Variants in SPOCK3 observed in about 807,000 individuals in gnomAD.
The protein encoded by SPOCK3 is testican-3.
Under a neutral mutation model 56.6 loss-of-function variants are expected in SPOCK3, and 30 were observed. That is an observed-to-expected ratio of 0.53 (90% CI 0.40 to 0.72). SPOCK3 has a LOEUF of 0.72. Ranked by LOEUF, SPOCK3 falls within the 30% of genes least tolerant of loss-of-function variation. The probability of loss-of-function intolerance (pLI) is 0.00; values close to 1 mark genes in which losing one functional copy is unlikely to be tolerated. For missense variants in SPOCK3, 527 were observed against 530.0 expected, an observed-to-expected ratio of 0.99 and a Z score of 0.06; for synonymous variants, 196 against 183.3, an observed-to-expected ratio of 1.07 and a Z score of -0.56.
At chr4:166,950,792 C>T (rs1002441103) in intron 4 of SPOCK3, among the ~76,000 whole-genome samples, 30 of 149,804 alleles carry the variant, frequency 2.0e-4, no homozygotes, top group East Asian at 1.4e-3. Context: ...CACTCAAAAC[C>T]GCTCAACTAC....
chr4:166,742,029 A>G lies in SPOCK3; in HGVS notation c.962T>C (p.Ile321Thr), dbSNP rs1011622851. The G allele has an allele frequency of 8.1e-6, 13 of 1,613,084 alleles. No individual in the cohort carries two copies. Among genetic ancestry groups the G allele is most frequent in the African/African-American group, 2.7e-5 (2 of 74,894 alleles). The change falls in exon 9 of 11, where the codon ATT becomes ACT. Residue 321 changes from isoleucine (I) to threonine (T), a missense_variant. By Grantham distance (89) the Ile-to-Thr change is moderately conservative. Coordinates refer to ENST00000357545, the MANE Select transcript of SPOCK3 (RefSeq NM_001040159.2). Reference sequence around the variant, plus strand: ...CTTCTTTACCCCTTGCCGCTTCTGAATATTGCTGAGCTCAGTCTGGCAAGG... The same window carrying G: ...CTTCTTTACCCCTTGCCGCTTCTGAGTATTGCTGAGCTCAGTCTGGCAAGG... ...DPPCQTELSN[I>T]QKRQGVKKLL... is the part of the protein sequence containing the mutation.
chr4:166,838,823 C>T (rs556376884), intron 6 of SPOCK3, among the ~76,000 whole-genome samples: 18 of 147,560 alleles, frequency 1.2e-4, no homozygotes, highest in Admixed American at 8.3e-4. Flanking sequence ...ATTAGCTGGG[C>T]GTGGTGGCAG....
chr4:167,067,443 T>A (rs1259593529), intron 2 of SPOCK3, among the ~76,000 whole-genome samples: 5 of 151,804 alleles, frequency 3.3e-5, no homozygotes, highest in African/African-American at 9.7e-5. Flanking sequence ...ATGAAATGAA[T>A]GTCAAAGTGA....
rs1429875594 is a variant in SPOCK3, at chr4:167,031,033, T to C, written c.236-30570A>G. 3.3e-5 allele frequency among the ~76,000 whole-genome samples: 5 copies of C among 152,192 alleles called. No homozygotes were observed. The East Asian group carries it at 7.7e-4, about 24-fold the overall frequency. Reference sequence around the variant, plus strand: ...ATAGCATCATATCTTTGAAGGATAATTGACAAATTACATTTAATGAGTAAA... The same window carrying C: ...ATAGCATCATATCTTTGAAGGATAACTGACAAATTACATTTAATGAGTAAA... On this transcript the variant is annotated intron_variant, in intron 3 of 10. Coordinates refer to ENST00000357545, the MANE Select transcript of SPOCK3 (RefSeq NM_001040159.2).
At chr4:166,927,651 A>G (rs1162171960) in intron 4 of SPOCK3, among the ~76,000 whole-genome samples, 1 of 152,210 alleles carries the variant, frequency 6.6e-6, no homozygotes, top group Non-Finnish European at 1.5e-5. Context: ...AAGAAAATCT[A>G]CATCACCTCG....
rs756303071 is a variant in SPOCK3, at chr4:167,234,057, C to T, written c.117G>A (p.Leu39=). The T allele has an allele frequency of 6.2e-7, 1 of 1,613,978 alleles. No individual in the cohort carries two copies. The highest frequency in any genetic ancestry group is 8.5e-7 in the Non-Finnish European group (1 of 1,179,988). ...TTGTGGTGAGCCATTGTTTATCATC[C>T]AGAAAATTACCGCCGTCCGACCGCC... ...AGGRSDGGNF[L]DDKQWLTTIS... is the part of the protein sequence containing the mutation. The change falls in exon 2 of 11, where the codon CTG becomes CTA. Residue 39 remains leucine, a synonymous_variant. Coordinates refer to ENST00000357545, the MANE Select transcript of SPOCK3 (RefSeq NM_001040159.2).
At chr4:166,789,091 T>C (rs1327980408) in intron 7 of SPOCK3, among the ~76,000 whole-genome samples, 1 of 152,058 alleles carries the variant, frequency 6.6e-6, no homozygotes, top group Non-Finnish European at 1.5e-5. Flanking sequence ...ATCAGAATAT[T>C]TTTCTCTGCC....
intron 2 of SPOCK3, among the ~76,000 whole-genome samples, chr4:167,104,126 C>A (rs1014694478): frequency 2.6e-5 from 4 of 152,076 alleles, no homozygotes; most frequent in African/African-American, 9.7e-5. Flanking sequence ...ACGAACAAGC[C>A]CAATTTGTGA....
chr4:167,094,420 C>A (rs568473586), intron 2 of SPOCK3, among the ~76,000 whole-genome samples: 1 of 151,520 alleles, frequency 6.6e-6, no homozygotes, highest in Non-Finnish European at 1.5e-5. Flanking sequence ...AAGTATATAC[C>A]CTGGCAAAAT....
chr4:166,842,288 C>T (rs911635941), intron 6 of SPOCK3, among the ~76,000 whole-genome samples: 2 of 152,186 alleles, frequency 1.3e-5, no homozygotes, highest in African/African-American at 4.8e-5. Context: ...TTATCTGGCC[C>T]CACCCATATC....
intron 2 of SPOCK3, among the ~76,000 whole-genome samples, chr4:167,107,914 A>G (rs960113001): frequency 6.6e-6 from 1 of 151,890 alleles, no homozygotes; most frequent in African/African-American, 2.4e-5. Context: ...TTCTCACAAG[A>G]GATCAATAAC....
At chr4:166,952,466 C>T (rs1344824314) in intron 4 of SPOCK3, among the ~76,000 whole-genome samples, 1 of 152,158 alleles carries the variant, frequency 6.6e-6, no homozygotes, top group East Asian at 1.9e-4. Context: ...ATTCCATGCT[C>T]ATGGGTAGGA....
chr4:166,999,543 T>G (rs1748740399), intron 4 of SPOCK3, among the ~76,000 whole-genome samples: 1 of 152,138 alleles, frequency 6.6e-6, no homozygotes, highest in Admixed American at 6.6e-5. Context: ...ATAGCAAAAT[T>G]TTCTTTGTTC....
At chr4:166,986,046 C>T (rs886459702) in intron 4 of SPOCK3, among the ~76,000 whole-genome samples, 2 of 152,124 alleles carry the variant, frequency 1.3e-5, no homozygotes, top group African/African-American at 2.4e-5. Context: ...CTTAACTCTT[C>T]TAAATTTTCC....
intron 4 of SPOCK3, among the ~76,000 whole-genome samples, chr4:166,949,639 T>C (rs1461188133): frequency 6.6e-6 from 1 of 151,998 alleles, no homozygotes; most frequent in Non-Finnish European, 1.5e-5. Flanking sequence ...TCCACAGCGG[T>C]GTTTGCAGAA....
chr4:166,953,718 A>G (rs1157766598), intron 4 of SPOCK3, among the ~76,000 whole-genome samples: 3 of 152,356 alleles, frequency 2.0e-5, no homozygotes, highest in African/African-American at 7.2e-5. Context: ...GGATTAAGGA[A>G]ATGTGGCACA....
intron 4 of SPOCK3, among the ~76,000 whole-genome samples, chr4:166,992,766 C>G (rs755893028): frequency 5.3e-5 from 8 of 152,024 alleles, no homozygotes; most frequent in Non-Finnish European, 7.4e-5. Context: ...AGATTCTTGT[C>G]TATTTGGGGA....
chr4:166,765,000 G>T (rs192729843), intron 7 of SPOCK3, among the ~76,000 whole-genome samples: 45 of 152,288 alleles, frequency 3.0e-4, no homozygotes, highest in African/African-American at 1.1e-3. Flanking sequence ...TTTGAGAAGT[G>T]TCTGTTCATA....
intron 6 of SPOCK3, among the ~76,000 whole-genome samples, chr4:166,857,984 CT>C (rs1730865403): frequency 6.6e-6 from 1 of 152,184 alleles, no homozygotes; most frequent in East Asian, 1.9e-4. Flanking sequence ...CTGGCCAATT[CT>C]TTTAGCCAAC....
Sources: allele counts gnomAD v4.1 joint callset (sites outside exome capture counted in the v4.1 genomes callset), GRCh38; gene constraint gnomAD v4.1.1; transcripts MANE v1.5; gene names NCBI Gene and HGNC (gene_info 2026-07-23, HGNC 2026-07-21).